Variants in COX15 observed in about 807,000 individuals in gnomAD.
COX15 encodes heme A synthase COX15.
A neutral mutation model predicts 51.9 loss-of-function variants in COX15; 51 were observed. That is an observed-to-expected ratio of 0.98 (90% CI 0.78 to 1.24). COX15 has a LOEUF of 1.24. COX15 is among the 50% of genes most tolerant of loss of function. The pLI, the probability that COX15 is intolerant of heterozygous loss-of-function variation, is 0.00. For missense variants in COX15, 420 were observed against 501.1 expected (o/e 0.84, Z 1.55); for synonymous variants, 188 against 190.5 (o/e 0.99, Z 0.11).
the COX15 span, among the ~76,000 whole-genome samples, chr10:99,698,194 C>T: frequency 2.6e-5 from 4 of 152,172 alleles, no homozygotes; most frequent in Admixed American, 6.5e-5. Flanking sequence ...ATTAGAACCA[C>T]ACTCCGCACG....
At chr10:99,727,295 A>C (rs1420550202) in intron 3 of COX15, 141 bp from the exon 4 acceptor site, 1 of 1,446,086 alleles carries the variant, frequency 6.9e-7, no homozygotes, top group Non-Finnish European at 9.6e-7. Context: ...CCTCAGGATG[A>C]CTTTGGATTT....
chr10:99,730,738 A>C (rs990455150), intron 1 of COX15, among the ~76,000 whole-genome samples: 2 of 152,260 alleles, frequency 1.3e-5, no homozygotes, highest in African/African-American at 4.8e-5. Context: ...TAAACATAGA[A>C]AAATTACAGT....
In COX15 at chr10:99,731,502, G is replaced by A. The variant is rs145907681; in HGVS notation, c.90+458C>T. On this transcript the variant is annotated intron_variant, in intron 1 of 8. Transcript: ENST00000016171. ...CTGTGAGTCCAAAGATCCATGCTCG[G>A]TTTCCTATTTCTGATTAACTGAGTC... Among the ~76,000 whole-genome samples the A allele has an allele frequency of 4.8e-3, 730 of 152,230 alleles. 3 individuals carry two copies. Among genetic ancestry groups the A allele is most frequent in the African/African-American group, 0.017 (686 of 41,526 alleles).
chr10:99,708,275 T>C (rs548739978), downstream of COX15, among the ~76,000 whole-genome samples: 1 of 152,352 alleles, frequency 6.6e-6, no homozygotes, highest in South Asian at 2.1e-4. Context: ...TTAACATTTA[T>C]TATCACATCC....
chr10:99,702,738 G>A, the COX15 span: 18 of 1,433,738 alleles, frequency 1.3e-5, no homozygotes, highest in Admixed American at 1.1e-4. Context: ...CCTCAGAATC[G>A]GTTTCTTTCT....
At chr10:99,725,005 T>C (rs1167636305) in intron 4 of COX15, among the ~76,000 whole-genome samples, 2 of 152,224 alleles carry the variant, frequency 1.3e-5, no homozygotes, top group Admixed American at 6.5e-5. Context: ...TGGGGACGCA[T>C]AGTCAAAGAA....
the COX15 span, chr10:99,695,820 C>G: frequency 1.3e-6 from 1 of 749,890 alleles, no homozygotes; most frequent in African/African-American, 1.8e-5. Context: ...TAAAATAATG[C>G]TATGAGGATG....
At chr10:99,710,099 T>G (rs2036335360), downstream of COX15, 2 of 985,448 alleles carry the variant, frequency 2.0e-6, no homozygotes, top group Non-Finnish European at 2.4e-6. Flanking sequence ...AGCCTCTTCT[T>G]TTAAAGGGCA....
downstream of COX15, chr10:99,710,013 A>C: frequency 1.0e-6 from 1 of 985,456 alleles, no homozygotes; most frequent in Non-Finnish European, 1.2e-6. Context: ...CAAAGTTGAA[A>C]AGTCTTCTGA....
intron 8 of COX15, 109 bp from the exon 9 acceptor site, chr10:99,714,827 C>A: frequency 6.4e-7 from 1 of 1,570,346 alleles, no homozygotes; most frequent in Admixed American, 1.7e-5. Flanking sequence ...CCTATCAGAG[C>A]ACTTAAAATA....
At chr10:99,698,875 A>C in the COX15 span, 1 of 1,573,378 alleles carries the variant, frequency 6.4e-7, no homozygotes, top group East Asian at 2.2e-5. Context: ...TATTAATGAT[A>C]AACATGGCTT....
At chr10:99,707,304 ATATT>A (rs2036272700), downstream of COX15, among the ~76,000 whole-genome samples, 1 of 152,190 alleles carries the variant, frequency 6.6e-6, no homozygotes, top group Non-Finnish European at 1.5e-5. Flanking sequence ...GAAGAACTGA[ATATT>A]TATTATTGGT....
In COX15 at chr10:99,714,353, T is replaced by G; in HGVS notation, c.*234A>C. On this transcript the variant is annotated 3_prime_UTR_variant, in exon 9 of 9. Transcript: ENST00000016171. ...ATGGCAGACATTTCTTTCTCTACAT[T>G]AAAACTGATTTTCAACATGAAAAGC... 7.6e-7 allele frequency: 1 copy of G among 1,323,952 alleles called. No homozygotes were observed. 82.0% of individuals were successfully genotyped at this position (1,323,952 alleles called of 1,614,324 possible).
the COX15 span, among the ~76,000 whole-genome samples, chr10:99,699,396 C>A: frequency 6.6e-6 from 1 of 152,166 alleles, no homozygotes; most frequent in African/African-American, 2.4e-5. Flanking sequence ...AAAATTCACT[C>A]TGAGCATATA....
At chr10:99,718,707 C>T (rs1322788088) in intron 6 of COX15, among the ~76,000 whole-genome samples, 1 of 152,154 alleles carries the variant, frequency 6.6e-6, no homozygotes, top group African/African-American at 2.4e-5. Context: ...CTTACCTGCT[C>T]CCACCCCAAG....
chr10:99,698,687 C>A, the COX15 span: 2 of 1,614,146 alleles, frequency 1.2e-6, no homozygotes, highest in Admixed American at 3.3e-5. Flanking sequence ...TGCTGAGCCC[C>A]CTGCTGGCTC....
chr10:99,718,877 G>C (rs2133586694), intron 6 of COX15, among the ~76,000 whole-genome samples: 1 of 152,276 alleles, frequency 6.6e-6, no homozygotes, highest in East Asian at 1.9e-4. Flanking sequence ...ACAGATGTCT[G>C]CATGACTGAC....
chr10:99,727,282 C>T (rs983131665), intron 3 of COX15, 128 bp from the exon 4 acceptor site: 41 of 1,425,092 alleles, frequency 2.9e-5, no homozygotes, highest in Admixed American at 2.4e-4. Context: ...TCCTCATCAA[C>T]GACCTCAGGA....
downstream of COX15, among the ~76,000 whole-genome samples, chr10:99,706,413 G>A (rs577455362): frequency 2.6e-5 from 4 of 151,532 alleles, no homozygotes; most frequent in African/African-American, 4.8e-5. Context: ...ATGGCTCACC[G>A]CAGCCTCAAC....
Sources: allele counts gnomAD v4.1 joint callset (sites outside exome capture counted in the v4.1 genomes callset), GRCh38; gene constraint gnomAD v4.1.1; transcripts MANE v1.5; gene names NCBI Gene and HGNC (gene_info 2026-07-23, HGNC 2026-07-21).